The following PZP variants were observed in gnomAD, a reference collection of about 807,000 sequenced individuals.
PZP encodes the protein pregnancy zone protein.
A neutral mutation model predicts 179.8 loss-of-function variants in PZP; 150 were observed. The ratio of observed to expected loss-of-function variants is 0.83; its 90% CI spans 0.73 to 0.96. The LOEUF is 0.96. PZP is among the 40% of genes least tolerant of loss of function. The pLI, the probability that PZP is intolerant of heterozygous loss-of-function variation, is 0.00. For missense variants in PZP, 1,689 were observed against 1,764.0 expected, an observed-to-expected ratio of 0.96 and a Z score of 0.76; for synonymous variants, 624 against 652.3, an observed-to-expected ratio of 0.96 and a Z score of 0.66.
intron 15 of PZP, among the ~76,000 whole-genome samples, chr12:9,180,655 T>C (rs1173937322): frequency 6.6e-6 from 1 of 152,200 alleles, no homozygotes; most frequent in Admixed American, 6.5e-5. Flanking sequence ...CAATTCAAGA[T>C]GGATTAAAGA....
At chr12:9,179,836 CTG>C (rs2120943943) in intron 15 of PZP, among the ~76,000 whole-genome samples, 1 of 152,328 alleles carries the variant, frequency 6.6e-6, no homozygotes, top group South Asian at 2.1e-4. Context: ...ACATTAATAA[CTG>C]AGGTTAAGAT....
chr12:9,151,483 A>G (rs1195170125), intron 33 of PZP, 121 bp downstream of exon 33: 1 of 713,208 alleles, frequency 1.4e-6, no homozygotes, highest in African/African-American at 1.8e-5. Flanking sequence ...GGAATAGATA[A>G]ACCTTTCTGG....
At chr12:9,176,480 T>C (rs979884381) in intron 15 of PZP, among the ~76,000 whole-genome samples, 3 of 152,074 alleles carry the variant, frequency 2.0e-5, no homozygotes, top group Non-Finnish European at 4.4e-5. Context: ...AAGAAATAAA[T>C]AAATAAAACG....
chr12:9,146,065 T>G (rs533011050), downstream of PZP, among the ~76,000 whole-genome samples: 63 of 152,312 alleles, frequency 4.1e-4, no homozygotes, highest in Middle Eastern at 3.4e-3. Flanking sequence ...TCCATTTCCT[T>G]TTTCAGGTTG....
intron 13 of PZP, among the ~76,000 whole-genome samples, chr12:9,185,456 A>G (rs897438966): frequency 6.6e-6 from 1 of 152,156 alleles, no homozygotes; most frequent in Admixed American, 6.5e-5. Flanking sequence ...TGAATCTACA[A>G]CTCCTTGATA....
At chr12:9,191,312 T>A (rs1943442089) in intron 13 of PZP, among the ~76,000 whole-genome samples, 1 of 152,112 alleles carries the variant, frequency 6.6e-6, no homozygotes, top group Admixed American at 6.5e-5. Context: ...ATGTACACAG[T>A]GGGGTCCATT....
chr12:9,153,270 T>G lies in PZP; in HGVS notation c.3848A>C (p.Gln1283Pro). 1 of 1,614,194 alleles carries G rather than the reference T, an allele frequency of 6.2e-7. No homozygotes were observed. The highest frequency in any genetic ancestry group is 8.5e-7 in the Non-Finnish European group (1 of 1,180,014). The change falls in exon 30 of 36, where the codon CAG becomes CCG. Residue 1283 changes from glutamine (Q) to proline (P), a missense_variant. Gln to Pro is a moderately conservative substitution (Grantham distance 76, BLOSUM62 -1). Coordinates refer to ENST00000261336, the MANE Select transcript of PZP (RefSeq NM_002864.3). ...GGTCTGTGAATCCTGAACGGTGACC[T>G]GTGCAGTTTTCTCAGTTCTGGTGAA... ...ATFTRTEKTA[Q>P]VTVQDSQTFS... is the part of the protein sequence containing the mutation.
chr12:9,156,061 G>C, intron 28 of PZP: 2 of 214,986 alleles, frequency 9.3e-6, no homozygotes, highest in South Asian at 1.8e-4. Context: ...TCTGAGATTA[G>C]AAAGAGTGTG....
intron 25 of PZP, 53 bp from the exon 26 acceptor site, chr12:9,158,629 GCT>G: frequency 1.3e-6 from 2 of 1,576,468 alleles, no homozygotes; most frequent in Non-Finnish European, 1.7e-6. Context: ...GCACTTTACT[GCT>G]CTGTTTTGTA....
rs761860984 is a variant in PZP at position 9,203,833 on chromosome 12, C to T, written c.202G>A (p.Glu68Lys). Residue 68 changes from glutamate (E) to lysine (K), a missense_variant, in exon 2 of 36, where the codon GAA becomes AAA. By Grantham distance (56) the Glu-to-Lys change is moderately conservative. Around this residue, in one of 3 missense-constraint regions of PZP, gnomAD observed 742 missense variants for 730.5 expected, o/e 1.02. Transcript: ENST00000261336. Reference protein sequence around the residue: ...TVSASLESGRENRSLFTDLVA... With the variant: ...TVSASLESGRKNRSLFTDLVA... ...AGGTCAGTGAAGAGGCTCCTGTTTTCCCTGCCAGACTCCAAGGAAGCACTT... is the reference window on the plus strand; with the variant it reads ...AGGTCAGTGAAGAGGCTCCTGTTTTTCCTGCCAGACTCCAAGGAAGCACTT... 2 of 1,614,110 alleles carry T rather than the reference C, an allele frequency of 1.2e-6. No individual in the cohort carries two copies. Among genetic ancestry groups the T allele is most frequent in the Non-Finnish European group, 1.7e-6 (2 of 1,180,018 alleles).
At chr12:9,167,935 A>C (rs779054557) in intron 17 of PZP, among the ~76,000 whole-genome samples, 1 of 152,286 alleles carries the variant, frequency 6.6e-6, no homozygotes, top group East Asian at 1.9e-4. Context: ...AATCATATTT[A>C]CCATTTTTGA....
chr12:9,170,175 G>C lies in PZP; in HGVS notation c.1840-584C>G, dbSNP rs534035390. 1 of 152,218 alleles carries C rather than the reference G, an allele frequency of 6.6e-6. No individual in the cohort carries two copies. Among genetic ancestry groups the C allele is most frequent in the Non-Finnish European group, 1.5e-5 (1 of 68,100 alleles). 9.4% of individuals were successfully genotyped at this position (152,218 alleles called of 1,614,324 possible). A position where few individuals can be genotyped will look rare whatever the true frequency, so the allele number is the denominator to read the frequency against. Reference sequence around the variant, plus strand: ...AATGAAAAGCAGCAGGGGCGGAGGTGGGGGAGGGCAACGGAAGGAACCCCC... The same window carrying C: ...AATGAAAAGCAGCAGGGGCGGAGGTCGGGGAGGGCAACGGAAGGAACCCCC... On this transcript the variant is annotated intron_variant, in intron 15 of 35. Transcript: ENST00000261336. The surrounding 1 kb of genome is among the most constrained non-coding windows in gnomAD (Gnocchi z 4.6).
At chr12:9,202,403 C>G in intron 3 of PZP, 32 bp from the exon 4 acceptor site, 2 of 1,614,016 alleles carry the variant, frequency 1.2e-6, no homozygotes, top group Non-Finnish European at 1.7e-6. Flanking sequence ...AAGATTCAGA[C>G]ATGATAAAGC....
rs779956128 is a variant in PZP at position 9,163,738 on chromosome 12, C to T, written c.2666G>A (p.Cys889Tyr). ...SAEAMQSLELCGNEVVEVPEI... is the reference protein window; with the variant it reads ...SAEAMQSLELYGNEVVEVPEI... The stretch of plus-strand genomic sequence containing the variant: ...AGGGACCTCAACAACCTCATTTCCA[C>T]AGAGTTCTAAGGACTGCATTGCCTC... The change falls in exon 21 of 36, where the codon TGT becomes TAT. Residue 889 changes from cysteine (C) to tyrosine (Y), a missense_variant. Coordinates refer to ENST00000261336, the MANE Select transcript of PZP (RefSeq NM_002864.3). The T allele has an allele frequency of 6.2e-7, 1 of 1,613,940 alleles. No homozygotes were observed. Among genetic ancestry groups the T allele is most frequent in the Non-Finnish European group, 8.5e-7 (1 of 1,179,886 alleles).
chr12:9,201,137 T>C (rs1240451517), intron 5 of PZP, 77 bp from the exon 6 acceptor site: 1 of 1,544,366 alleles, frequency 6.5e-7, no homozygotes, highest in African/African-American at 1.4e-5. Context: ...ATTTTGAAGG[T>C]GATAATTAGC....
chr12:9,198,503 A>G (rs1015124985), intron 7 of PZP, among the ~76,000 whole-genome samples: 4 of 152,170 alleles, frequency 2.6e-5, no homozygotes, highest in African/African-American at 9.7e-5. Context: ...ATCTAACACA[A>G]AATGCACAGA....
intron 33 of PZP, 37 bp downstream of exon 33, chr12:9,151,567 C>T (rs778051728): frequency 3.8e-6 from 6 of 1,567,422 alleles, no homozygotes; most frequent in Non-Finnish European, 3.5e-6. Flanking sequence ...GAAAGACGAC[C>T]CATATGTAGT....
chr12:9,168,974 C>T lies in PZP; in HGVS notation c.2002G>A (p.Gly668Arg), dbSNP rs1472535381. ...NEADIYSFLK[G>R]MGLKVFTNSK... ...TTAGTGAACACCTTCAATCCCATCCCCTGGAAAAAAATAATTGTTCAATCT... is the reference window on the plus strand; with the variant it reads ...TTAGTGAACACCTTCAATCCCATCCTCTGGAAAAAAATAATTGTTCAATCT... The change falls in exon 17 of 36, where the codon GGG becomes AGG. Residue 668 changes from glycine (G) to arginine (R), a missense_variant and splice_region_variant. Gly to Arg is a moderately radical substitution (Grantham distance 125). This residue lies in a region of PZP where 201 missense variants were observed against 284.2 expected (regional missense o/e 0.71). Transcript: ENST00000261336. 19 of 1,608,642 alleles carry T rather than the reference C, an allele frequency of 1.2e-5. No individual in the cohort carries two copies. Among genetic ancestry groups the T allele is most frequent in the African/African-American group, 2.7e-5 (2 of 74,758 alleles).
At chr12:9,141,240 G>A in the PZP span, among the ~76,000 whole-genome samples, 4 of 152,108 alleles carry the variant, frequency 2.6e-5, no homozygotes, top group South Asian at 8.3e-4. Context: ...AATAACATAT[G>A]TATGCAAATA....
Sources: allele counts gnomAD v4.1 joint callset (sites outside exome capture counted in the v4.1 genomes callset), GRCh38; gene constraint gnomAD v4.1.1; regional missense constraint gnomAD v4.1.1; non-coding constraint Gnocchi (gnomAD v3.1); transcripts MANE v1.5; gene names NCBI Gene and HGNC (gene_info 2026-07-23, HGNC 2026-07-21).